Variants in CENPF observed in about 807,000 individuals in gnomAD.
CENPF encodes AH antigen.
CENPF carries 214 observed loss-of-function variants against 307.3 expected under a neutral mutation model. The observed-to-expected ratio is 0.70, with a 90% CI of 0.62 to 0.78. The LOEUF (loss-of-function observed/expected upper bound fraction) is 0.78. CENPF is among the 30% of genes least tolerant of loss of function. The probability of loss-of-function intolerance (pLI) is 0.00; values close to 1 mark genes in which losing one functional copy is unlikely to be tolerated. For missense variants in CENPF, 3,401 were observed against 3,483.9 expected, an observed-to-expected ratio of 0.98 and a Z score of 0.60; for synonymous variants, 1,259 against 1,270.6, an observed-to-expected ratio of 0.99 and a Z score of 0.19.
intron 13 of CENPF, among the ~76,000 whole-genome samples, chr1:214,648,231 T>A (rs1411570464): frequency 6.6e-6 from 1 of 152,204 alleles, no homozygotes; most frequent in East Asian, 1.9e-4. Context: ...GCTGTTTCAC[T>A]TCAAGGGACA....
chr1:214,620,329 T>G (rs2102537759), intron 5 of CENPF, among the ~76,000 whole-genome samples: 1 of 152,322 alleles, frequency 6.6e-6, no homozygotes, highest in South Asian at 2.1e-4. Context: ...AAAGCCAGTT[T>G]TGGAATTCAG....
At chr1:214,607,229 G>C (rs1162298775) in intron 1 of CENPF, among the ~76,000 whole-genome samples, 1 of 152,208 alleles carries the variant, frequency 6.6e-6, no homozygotes, top group African/African-American at 2.4e-5. Context: ...CCACTCAAAC[G>C]AACAGGACAC....
At chr1:214,639,406 A>C (rs1658046830) in intron 11 of CENPF, among the ~76,000 whole-genome samples, 2 of 152,174 alleles carry the variant, frequency 1.3e-5, no homozygotes, top group Admixed American at 1.3e-4. Flanking sequence ...GATATATGGC[A>C]TCATTTACTC....
rs1433620969 is a variant in CENPF at position 214,640,770 on chromosome 1, G to A, written c.2432G>A (p.Arg811Lys). 6.2e-7 allele frequency: 1 copy of A among 1,613,398 alleles called. No individual in the cohort carries two copies. The highest frequency in any genetic ancestry group is 8.5e-7 in the Non-Finnish European group (1 of 1,179,856). ...IGEQGSMPSE[R>K]SECRLEADQS... ...GAACAAGGAAGCATGCCTTCAGAGA[G>A]GAGTGAATGTCGTTTAGAAGCAGAC... The change falls in exon 12 of 20, where the codon AGG (arginine) becomes AAG (lysine). Residue 811 changes from arginine to lysine, a missense_variant. Coordinates refer to ENST00000366955, the MANE Select transcript of CENPF (RefSeq NM_016343.4).
rs1657346092 is a variant in CENPF at position 214,616,695 on chromosome 1, TGTG to T, written c.359+1673_359+1675del. Among the ~76,000 whole-genome samples the T allele has an allele frequency of 2.0e-5, 3 of 152,264 alleles. 1 individual carries two copies. The South Asian group carries it at 6.2e-4, about 32-fold the overall frequency. ...TGCTGTTTCCTACTGTAAGCTCAGA[TGTG>T]GTGGTTTGATTTGCTGAGAAGTCAT... is the stretch of plus-strand genomic sequence containing the variant. On this transcript the variant is annotated intron_variant, in intron 3 of 19. Transcript: ENST00000366955.
At chr1:214,627,249 G>A (rs920955913) in intron 7 of CENPF, among the ~76,000 whole-genome samples, 4 of 151,910 alleles carry the variant, frequency 2.6e-5, no homozygotes, top group East Asian at 1.9e-4. Flanking sequence ...TAGCAGAGAC[G>A]AGGTTCACCA....
At chr1:214,658,057 C>T (rs1403223213) in intron 18 of CENPF, among the ~76,000 whole-genome samples, 8 of 152,026 alleles carry the variant, frequency 5.3e-5, no homozygotes, top group Admixed American at 4.6e-4. Flanking sequence ...TTCTTCGAAC[C>T]CCCTCTGCCC....
At chr1:214,607,597 G>T (rs1041566191) in intron 1 of CENPF, among the ~76,000 whole-genome samples, 1 of 152,184 alleles carries the variant, frequency 6.6e-6, no homozygotes, top group Non-Finnish European at 1.5e-5. Context: ...CCCTGCGGGA[G>T]CAGGTCAGAC....
At chr1:214,620,291 G>A (rs1558172670) in intron 5 of CENPF, among the ~76,000 whole-genome samples, 1 of 152,330 alleles carries the variant, frequency 6.6e-6, no homozygotes, top group African/African-American at 2.4e-5. Flanking sequence ...CAAAGCTATA[G>A]GGGGAGGTAA....
At chr1:214,609,014 G>C (rs1197953096) in intron 1 of CENPF, among the ~76,000 whole-genome samples, 1 of 151,632 alleles carries the variant, frequency 6.6e-6, no homozygotes, top group East Asian at 1.9e-4. Flanking sequence ...CAGCCCCATC[G>C]CGGTCCAAGC....
At chr1:214,648,503 C>T (rs952389355) in intron 13 of CENPF, 172 bp from the exon 14 acceptor site, 1 of 769,050 alleles carries the variant, frequency 1.3e-6, no homozygotes, top group South Asian at 1.4e-5. Flanking sequence ...GGTAAGCTTA[C>T]TAGTAGGTTT....
chr1:214,643,061 A>G lies in CENPF; in HGVS notation c.4723A>G (p.Ile1575Val). Residue 1575 changes from isoleucine (I) to valine (V), a missense_variant, in exon 12 of 20, where the codon ATT becomes GTT. By Grantham distance (29) the Ile-to-Val change is conservative. Transcript: ENST00000366955. ...AGAAGAGAAAATGGAAAGTCAAGGG[A>G]TTATGAAAAATAAGGAAATTCAAGA... ...KLEEKMESQG[I>V]MKNKEIQELE... 1 of 1,611,128 alleles carries G rather than the reference A, an allele frequency of 6.2e-7. No homozygotes were observed. The highest frequency in any genetic ancestry group is 8.5e-7 in the Non-Finnish European group (1 of 1,179,258).
intron 7 of CENPF, among the ~76,000 whole-genome samples, chr1:214,626,642 G>A (rs1248654922): frequency 6.6e-6 from 1 of 152,064 alleles, no homozygotes; most frequent in Admixed American, 6.6e-5. Flanking sequence ...CAGTTTTATT[G>A]CTTTTTGAGT....
intron 1 of CENPF, chr1:214,605,806 G>A: frequency 1.3e-6 from 2 of 1,590,840 alleles, no homozygotes; most frequent in South Asian, 1.1e-5. Flanking sequence ...GGCAGCGCTC[G>A]TAGAGCGCCA....
Position 214,657,354 on chromosome 1 carries a change from A to G in CENPF, c.8907A>G (p.Glu2969=), listed in dbSNP as rs771841214. 1.2e-6 allele frequency: 2 copies of G among 1,612,828 alleles called. No homozygotes were observed. The highest frequency in any genetic ancestry group is 1.1e-5 in the South Asian group (1 of 91,084). ...KAVMSGIHPA[E]DTEGTEFEPE... ...TCATGAGTGGTATTCACCCTGCAGA[A>G]GACACGGAAGGTACTGAGTTTGAGC... Residue 2969 remains glutamate, a synonymous_variant, in exon 18 of 20, where the codon GAA becomes GAG. Coordinates refer to ENST00000366955, the MANE Select transcript of CENPF (RefSeq NM_016343.4).
chr1:214,642,281 T>G lies in CENPF; in HGVS notation c.3943T>G (p.Tyr1315Asp), dbSNP rs1658145011. 1.9e-6 allele frequency: 3 copies of G among 1,613,608 alleles called. No homozygotes were observed. Among genetic ancestry groups the G allele is most frequent in the Non-Finnish European group, 2.5e-6 (3 of 1,179,908 alleles). ...ATGTGAAATACTGCAGGCTGAAAAG[T>G]ATGAACTCGTAACTGAGCTGAATGA... is the stretch of plus-strand genomic sequence containing the variant. Reference protein sequence around the residue: ...KICEILQAEKYELVTELNDSR... With the variant: ...KICEILQAEKDELVTELNDSR... The change falls in exon 12 of 20, where the codon TAT (tyrosine) becomes GAT (aspartate). Residue 1315 changes from tyrosine to aspartate, a missense_variant. Transcript: ENST00000366955.
intron 12 of CENPF, 55 bp from the exon 13 acceptor site, chr1:214,644,502 A>G: frequency 6.8e-7 from 1 of 1,480,076 alleles, no homozygotes; most frequent in Non-Finnish European, 9.0e-7. Flanking sequence ...AATCTATTCT[A>G]TTTTGATTCT....
chr1:214,660,144 T>G (rs1303769664), intron 19 of CENPF, among the ~76,000 whole-genome samples: 4 of 152,158 alleles, frequency 2.6e-5, no homozygotes, highest in Admixed American at 2.6e-4. Context: ...AACAACAGAT[T>G]TGCAAATTTC....
intron 10 of CENPF, among the ~76,000 whole-genome samples, chr1:214,634,826 C>G (rs972083379): frequency 1.3e-5 from 2 of 152,184 alleles, no homozygotes; most frequent in African/African-American, 2.4e-5. Context: ...TATGTAAGCA[C>G]TAACAAATTT....
Sources: gnomAD v4.1 joint callset for allele counts (sites outside exome capture counted in the v4.1 genomes callset) on GRCh38, gnomAD v4.1.1 for gene constraint, MANE v1.5 for transcripts, NCBI Gene and HGNC (gene_info 2026-07-23, HGNC 2026-07-21) for gene names.